PDIA2: variants seen among roughly 807,000 people sequenced by gnomAD.
PDIA2 encodes protein disulfide-isomerase A2.
Under a neutral mutation model 51.1 loss-of-function variants are expected in PDIA2, and 76 were observed. That is an observed-to-expected ratio of 1.49 (90% CI 1.24 to 1.80). The LOEUF (loss-of-function observed/expected upper bound fraction) is 1.80, where lower values mean the gene tolerates loss of function less well. Among genes scored for constraint, PDIA2 ranks in the 40% most tolerant of loss-of-function variants. The probability of loss-of-function intolerance (pLI) is 0.00; values close to 1 mark genes in which losing one functional copy is unlikely to be tolerated. For synonymous variants in PDIA2, 429 were observed against 309.9 expected (o/e 1.38, Z -4.04); for missense variants, 946 against 706.5 (o/e 1.34, Z -3.84).
At chr16:284,336 G>A in intron 1 of PDIA2, 51 bp from the exon 2 acceptor site, 1 of 1,492,744 alleles carries the variant, frequency 6.7e-7, no homozygotes. Context: ...GTGTGGAGAG[G>A]GTGCTCCTGG....
rs1258392134 is a variant in PDIA2 at position 285,351 on chromosome 16, C to T, written c.835C>T (p.Leu279=). Residue 279 remains leucine (L), a synonymous_variant, in exon 6 of 11, where the codon CTG becomes TTG. Transcript: ENST00000219406. ...KIFAARILNH[L]LLFVNQTLAA... ...CTTCGCGGCCAGGATCCTCAACCAC[C>T]TGCTGCTGTTTGTCAACCAGACGCT... 2 of 1,612,858 alleles carry T rather than the reference C, an allele frequency of 1.2e-6. No homozygotes were observed. Among genetic ancestry groups the T allele is most frequent in the South Asian group, 2.2e-5 (2 of 91,084 alleles).
rs772218677 is a variant in PDIA2, at chr16:285,567, T to A, written c.983T>A (p.Leu328His). 1.8e-5 allele frequency: 29 copies of A among 1,613,042 alleles called. No individual in the cohort carries two copies. In the South Asian group the frequency reaches 3.2e-4, roughly 18 times the overall value. The stretch of plus-strand genomic sequence containing the variant: ...GAGCACGTGCTGCAGTACTTTGGAC[T>A]CAAGGCTGAGGCAGCCCCCACTCTG... The part of the protein sequence containing the change: ...DNEHVLQYFG[L>H]KAEAAPTLRL... The change falls in exon 7 of 11, where the codon CTC (leucine) becomes CAC (histidine). Residue 328 changes from leucine to histidine, a missense_variant. Leu to His is a moderately conservative substitution (Grantham distance 99). Transcript: ENST00000219406.
rs2052348140 is a variant in PDIA2, at chr16:285,721, C to T, written c.1119+18C>T. 8.7e-6 allele frequency: 14 copies of T among 1,608,968 alleles called. No homozygotes were observed. In the East Asian group the frequency reaches 2.9e-4, roughly 33 times the overall value. On this transcript the variant is annotated intron_variant, in intron 7 of 10. Coordinates refer to ENST00000219406, the MANE Select transcript of PDIA2 (RefSeq NM_006849.4). ...AAGTCAAGGTCCGCTGCAGACTGCTCATAATGGAAGGGGAACCCTGACCTC... is the reference window on the plus strand; with the variant it reads ...AAGTCAAGGTCCGCTGCAGACTGCTTATAATGGAAGGGGAACCCTGACCTC...
rs182786959 is a variant in PDIA2, at chr16:284,935, A to C, written c.598A>C (p.Met200Leu). ...FLALAQDALDMTFGLTDRPRL... is the reference protein window; with the variant it reads ...FLALAQDALDLTFGLTDRPRL... ...GGCCTTGGCCCAGGACGCCCTGGAC[A>C]TGACCTTTGGCCTCACAGACCGGCC... is the stretch of plus-strand genomic sequence containing the variant. Residue 200 changes from methionine to leucine, a missense_variant, in exon 4 of 11, where the codon ATG becomes CTG. Coordinates refer to ENST00000219406, the MANE Select transcript of PDIA2 (RefSeq NM_006849.4). The C allele has an allele frequency of 6.2e-7, 1 of 1,613,134 alleles. No individual in the cohort carries two copies. The highest frequency in any genetic ancestry group is 8.5e-7 in the Non-Finnish European group (1 of 1,179,932).
In PDIA2 at chr16:286,550, C is replaced by G; in HGVS notation, c.1241-4C>G. ...ATGGCTGTGCTCAACGGCTCCCATC[C>G]TAGATGCCCCGTGGTGCACCCACTG... On this transcript the variant is annotated splice_polypyrimidine_tract_variant and splice_region_variant and intron_variant, in intron 8 of 10. Transcript: ENST00000219406. The G allele has an allele frequency of 6.2e-7, 1 of 1,612,774 alleles. No individual in the cohort carries two copies. Among genetic ancestry groups the G allele is most frequent in the Non-Finnish European group, 8.5e-7 (1 of 1,179,870 alleles).
chr16:283,457 C>A, intron 1 of PDIA2, 89 bp downstream of exon 1: 4 of 1,372,420 alleles, frequency 2.9e-6, no homozygotes, highest in Non-Finnish European at 3.9e-6. Flanking sequence ...AAATGCAGGG[C>A]ATGTGCCCAA....
At position 286,930 on chromosome 16, in the gene PDIA2, A is replaced by G. The variant is rs893401614; in HGVS notation, c.1518A>G (p.Pro506=). Residue 506 remains proline (P), a synonymous_variant, in exon 10 of 11, where the codon CCA becomes CCG. Transcript: ENST00000219406. The part of the protein sequence containing the change: ...VLPTEEPPEE[P]AAPFPEPPAN... ...CCACGGAGGAGCCCCCGGAGGAGCC[A>G]GCAGCCCCGTTCCCGGTGGGTGTCC... The G allele has an allele frequency of 2.5e-6, 4 of 1,599,424 alleles. No individual in the cohort carries two copies. Among genetic ancestry groups the G allele is most frequent in the Non-Finnish European group, 3.4e-6 (4 of 1,174,612 alleles).
At chr16:283,481 G>T (rs189420539) in intron 1 of PDIA2, 113 bp downstream of exon 1, 19 of 1,142,952 alleles carry the variant, frequency 1.7e-5, no homozygotes, top group Non-Finnish European at 2.3e-5. Context: ...GGGCCTCCCC[G>T]CAGGCACTTG....
Position 284,756 on chromosome 16 carries a change from C to G in PDIA2, c.504C>G (p.Ile168Met), listed in dbSNP as rs745548123. The change falls in exon 3 of 11, where the codon ATC becomes ATG. Residue 168 changes from isoleucine (I) to methionine (M), a missense_variant. By Grantham distance (10) the Ile-to-Met change is conservative (BLOSUM62 1). Coordinates refer to ENST00000219406, the MANE Select transcript of PDIA2 (RefSeq NM_006849.4). Reference protein sequence around the residue: ...LEDEAAAQALIGGRDLVVIGF... With the variant: ...LEDEAAAQALMGGRDLVVIGF... The stretch of plus-strand genomic sequence containing the variant: ...ACGAGGCGGCCGCCCAGGCGCTGAT[C>G]GGTGGCCGGGACCTAGTGGTCATTG... The G allele has an allele frequency of 1.3e-6, 2 of 1,562,534 alleles. No individual in the cohort carries two copies. The highest frequency in any genetic ancestry group is 1.2e-5 in the South Asian group (1 of 84,020).
chr16:285,899 T>G (rs1596945505), intron 7 of PDIA2, among the ~76,000 whole-genome samples, 196 bp downstream of exon 7: 3 of 44,346 alleles, frequency 6.8e-5, no homozygotes, highest in Non-Finnish European at 4.3e-5. Context: ...AAACCCGCGG[T>G]TCTCCCAACC....
rs568236167 is a variant in PDIA2 at position 283,286 on chromosome 16, C to T, written c.117C>T (p.Pro39=). The T allele has an allele frequency of 1.2e-6, 2 of 1,610,366 alleles. No individual in the cohort carries two copies. The highest frequency in any genetic ancestry group is 2.2e-5 in the East Asian group (1 of 44,698). The stretch of plus-strand genomic sequence containing the variant: ...AGGAGCCTCCAGAGGAGGAAATCCC[C>T]AAGGAGGATGGGATCTTGGTGCTGA... ...PSEEPPEEEI[P]KEDGILVLSR... is the part of the protein sequence containing the mutation. Residue 39 remains proline (P), a synonymous_variant, in exon 1 of 11, where the codon CCC becomes CCT. Coordinates refer to ENST00000219406, the MANE Select transcript of PDIA2 (RefSeq NM_006849.4).
Position 284,643 on chromosome 16 carries a change from G to C in PDIA2, c.407-16G>C. 1 of 1,600,828 alleles carries C rather than the reference G, an allele frequency of 6.2e-7. No individual in the cohort carries two copies. Among genetic ancestry groups the C allele is most frequent in the Non-Finnish European group, 8.5e-7 (1 of 1,177,518 alleles). On this transcript the variant is annotated splice_polypyrimidine_tract_variant and intron_variant, in intron 2 of 10. Transcript: ENST00000219406. ...GGGGCGGTGGCCAGGCCGAGGCTGA[G>C]GGGGACTCCCTGCAGGACCACGGGA... is the stretch of plus-strand genomic sequence containing the variant.
rs771653054 is a variant in PDIA2 at position 285,719 on chromosome 16, C to T, written c.1119+16C>T. 1 of 1,609,796 alleles carries T rather than the reference C, an allele frequency of 6.2e-7. No homozygotes were observed. Among genetic ancestry groups the T allele is most frequent in the Non-Finnish European group, 8.5e-7 (1 of 1,178,482 alleles). On this transcript the variant is annotated intron_variant, in intron 7 of 10. Transcript: ENST00000219406. ...CCAAGTCAAGGTCCGCTGCAGACTGCTCATAATGGAAGGGGAACCCTGACC... is the reference window on the plus strand; with the variant it reads ...CCAAGTCAAGGTCCGCTGCAGACTGTTCATAATGGAAGGGGAACCCTGACC...
chr16:286,773 C>T (rs759657887), intron 9 of PDIA2, 38 bp downstream of exon 9: 1 of 1,612,246 alleles, frequency 6.2e-7, no homozygotes, highest in South Asian at 1.1e-5. Flanking sequence ...AGCCGGGGTG[C>T]CATCTTGCTG....
At position 284,786 on chromosome 16, in the gene PDIA2, C is replaced by T. The variant is rs752888523; in HGVS notation, c.534C>T (p.Phe178=). 22 of 1,572,390 alleles carry T rather than the reference C, an allele frequency of 1.4e-5. No individual in the cohort carries two copies. The highest frequency in any genetic ancestry group is 1.7e-5 in the Non-Finnish European group (20 of 1,162,826). ...GCCGGGACCTAGTGGTCATTGGCTT[C>T]TTCCAGGTGAGCCACTGGGCATGGG... ...IGGRDLVVIG[F]FQDLQDEDVA... is the part of the protein sequence containing the mutation. Residue 178 remains phenylalanine, a synonymous_variant, in exon 3 of 11, where the codon TTC becomes TTT. Transcript: ENST00000219406.
At chr16:283,921 G>A (rs1435841919) in intron 1 of PDIA2, among the ~76,000 whole-genome samples, 2 of 152,208 alleles carry the variant, frequency 1.3e-5, no homozygotes, top group Non-Finnish European at 2.9e-5. Flanking sequence ...CTGGAGTGCA[G>A]TGGCCCTATC....
chr16:286,073 GTCCCTCCCCCCACCAAACCCCACAGTTC>G (rs1461402428), intron 7 of PDIA2, among the ~76,000 whole-genome samples: 2 of 46,478 alleles, frequency 4.3e-5, no homozygotes, highest in East Asian at 5.6e-4. Flanking sequence ...CCCCACAGAG[GTCCCTCCCCCCACCAAACCCCACAGTTC>G]TCCCTCCCCC....
chr16:284,738 G>A lies in PDIA2; in HGVS notation c.486G>A (p.Ala162=), dbSNP rs45578533. 1,880 of 1,561,540 alleles carry A rather than the reference G, an allele frequency of 1.2e-3. 19 individuals are homozygous for A. The African/African-American group carries it at 0.021, about 18-fold the overall frequency. The stretch of plus-strand genomic sequence containing the variant: ...GTGCCATGCGGCTGGAGGACGAGGC[G>A]GCCGCCCAGGCGCTGATCGGTGGCC... ...GPSAMRLEDE[A]AAQALIGGRD... The change falls in exon 3 of 11, where the codon GCG becomes GCA. Residue 162 remains alanine (A), a synonymous_variant. Transcript: ENST00000219406.
rs559195893 is a variant in PDIA2, at chr16:284,806, C to T, written c.540+14C>T. 3 of 1,584,896 alleles carry T rather than the reference C, an allele frequency of 1.9e-6. No homozygotes were observed. Among genetic ancestry groups the T allele is most frequent in the South Asian group, 1.1e-5 (1 of 87,328 alleles). On this transcript the variant is annotated intron_variant, in intron 3 of 10. Coordinates refer to ENST00000219406, the MANE Select transcript of PDIA2 (RefSeq NM_006849.4). The stretch of plus-strand genomic sequence containing the variant: ...GGCTTCTTCCAGGTGAGCCACTGGG[C>T]ATGGGGGGCCGGGCCATGAGGGCAG...
Sources: allele counts gnomAD v4.1 joint callset (sites outside exome capture counted in the v4.1 genomes callset), GRCh38; gene constraint gnomAD v4.1.1; transcripts MANE v1.5; gene names NCBI Gene and HGNC (gene_info 2026-07-23, HGNC 2026-07-21).